Variants in RPS6KA5 observed in about 807,000 individuals in gnomAD.
RPS6KA5 encodes the protein ribosomal protein S6 kinase A5.
A neutral mutation model predicts 85.5 loss-of-function variants in RPS6KA5; 27 were observed. That is an observed-to-expected ratio of 0.32 (90% CI 0.23 to 0.44). RPS6KA5 has a LOEUF of 0.44. Ranked by LOEUF, RPS6KA5 falls within the 20% of genes least tolerant of loss-of-function variation. RPS6KA5 has a pLI of 1.00. For synonymous variants in RPS6KA5, 334 were observed against 348.2 expected (o/e 0.96, Z 0.46); for missense variants, 811 against 980.9 (o/e 0.83, Z 2.31).
rs1438337626 is a variant in RPS6KA5, at chr14:90,859,781, C to T, written c.*12293G>A. On this transcript the variant is annotated 3_prime_UTR_variant, in exon 17 of 17. Coordinates refer to ENST00000614987, the MANE Select transcript of RPS6KA5 (RefSeq NM_004755.4). Reference sequence around the variant, plus strand: ...TAAGAATTCTAATAAGGAAGGACATCAACCAACAGATTCAGGAAGTTTACC... The same window carrying T: ...TAAGAATTCTAATAAGGAAGGACATTAACCAACAGATTCAGGAAGTTTACC... 1 of 152,152 alleles carries T rather than the reference C, an allele frequency of 6.6e-6. No homozygotes were observed. Among genetic ancestry groups the T allele is most frequent in the Non-Finnish European group, 1.5e-5 (1 of 68,024 alleles). The allele number at this position is 152,152 out of a possible 1,614,324, so 9.4% of individuals were successfully genotyped here. A position where few individuals can be genotyped will look rare whatever the true frequency, so the allele number is the denominator to read the frequency against.
Position 90,943,185 on chromosome 14 carries a change from A to T in RPS6KA5, c.511T>A (p.Leu171Met). 1.3e-6 allele frequency: 2 copies of T among 1,489,720 alleles called. No individual in the cohort carries two copies. The highest frequency in any genetic ancestry group is 9.3e-7 in the Non-Finnish European group (1 of 1,074,686). 92.3% of individuals were successfully genotyped at this position (1,489,720 alleles called of 1,614,324 possible). A position where few individuals can be genotyped will look rare whatever the true frequency, so the allele number is the denominator to read the frequency against. ...IVLALEHLHK[L>M]GIIYRDIKLE... ...TTAATATCACGATATATAATCCCCA[A>T]CTGCAAAAACAAAGAAATATAAATT... Residue 171 changes from leucine to methionine, a missense_variant and splice_region_variant, in exon 5 of 17, where the codon TTG (leucine) becomes ATG (methionine). By Grantham distance (15) the Leu-to-Met change is conservative. This residue lies in a region of RPS6KA5 where 650 missense variants were observed against 793.4 expected (regional missense o/e 0.82). Transcript: ENST00000614987.
At chr14:90,998,593 G>C (rs752969051) in intron 2 of RPS6KA5, among the ~76,000 whole-genome samples, 1 of 152,126 alleles carries the variant, frequency 6.6e-6, no homozygotes, top group Non-Finnish European at 1.5e-5. Flanking sequence ...AGGAAACAAA[G>C]GTAGGAATAA....
intron 3 of RPS6KA5, among the ~76,000 whole-genome samples, chr14:90,970,234 A>T (rs571710436): frequency 6.6e-6 from 1 of 152,324 alleles, no homozygotes; most frequent in Admixed American, 6.5e-5. Context: ...AATCTTGTGA[A>T]TTAGTCATAT....
chr14:90,986,965 G>A (rs181558506), intron 2 of RPS6KA5, among the ~76,000 whole-genome samples: 1 of 152,224 alleles, frequency 6.6e-6, no homozygotes, highest in Admixed American at 6.5e-5. Flanking sequence ...CATGTCCCGG[G>A]ATCTGCTTCT....
At position 91,060,371 on chromosome 14, in the gene RPS6KA5, CT is replaced by C; in HGVS notation, c.63del (p.Gly22GlufsTer16). The part of the protein sequence containing the change: ...AAGTSADGGD[G>X]GEQLLTVKHE... ...TGCTTGACAGTGAGGAGCTGCTCTC[CT>C]CCGTCGCCGCCGTCCGCGCTGGTCC... On this transcript the variant is annotated frameshift_variant, in exon 1 of 17. Transcript: ENST00000614987. LOFTEE classifies it high-confidence loss of function. The C allele has an allele frequency of 6.6e-7, 1 of 1,506,166 alleles. No individual in the cohort carries two copies. Among genetic ancestry groups the C allele is most frequent in the South Asian group, 1.3e-5 (1 of 78,282 alleles). 93.3% of individuals were successfully genotyped at this position (1,506,166 alleles called of 1,614,324 possible). A position where few individuals can be genotyped will look rare whatever the true frequency, so the allele number is the denominator to read the frequency against.
intron 2 of RPS6KA5, among the ~76,000 whole-genome samples, chr14:90,984,568 C>T (rs1398218298): frequency 6.6e-6 from 1 of 152,200 alleles, no homozygotes; most frequent in Non-Finnish European, 1.5e-5. Flanking sequence ...CGTTGACAAT[C>T]TTTGCTGATA....
rs111301265 is a variant in RPS6KA5 at position 90,904,184 on chromosome 14, A to C, written c.958-1215T>G. On this transcript the variant is annotated intron_variant, in intron 8 of 16. Coordinates refer to ENST00000614987, the MANE Select transcript of RPS6KA5 (RefSeq NM_004755.4). ...CAGGATGGTCTCGATCTCCTGACCTAGTGATCCGCCCACCTTGGCCTCCCG... is the reference window on the plus strand; with the variant it reads ...CAGGATGGTCTCGATCTCCTGACCTCGTGATCCGCCCACCTTGGCCTCCCG... Among the ~76,000 whole-genome samples, 725 of 152,258 alleles carry C rather than the reference A, an allele frequency of 4.8e-3. 5 individuals are homozygous for C. The highest frequency in any genetic ancestry group is 0.021 in the South Asian group (99 of 4,818).
rs58737573 is a variant in RPS6KA5, at chr14:91,030,611, G to GAAAAAAAAAAAAAAAAAA, written c.104-29470_104-29453dup. Among the ~76,000 whole-genome samples, 55 of 22,070 alleles carry GAAAAAAAAAAAAAAAAAA rather than the reference G, an allele frequency of 2.5e-3. 9 individuals are homozygous for GAAAAAAAAAAAAAAAAAA. Among genetic ancestry groups the GAAAAAAAAAAAAAAAAAA allele is most frequent in the Non-Finnish European group, 3.5e-3 (39 of 11,030 alleles). The allele number at this position is 22,070 out of a possible 152,430, so 14.5% of individuals were successfully genotyped here. A position where few individuals can be genotyped will look rare whatever the true frequency, so the allele number is the denominator to read the frequency against. ...AACATGCAAGACACCAAAATAAACA[G>GAAAAAAAAAAAAAAAAAA]AAAAAAAAAAAAAAAAAAAAAAAAA... On this transcript the variant is annotated intron_variant, in intron 1 of 16. Transcript: ENST00000614987.
chr14:90,876,807 C>A (rs1184634958), intron 14 of RPS6KA5, among the ~76,000 whole-genome samples: 1 of 152,174 alleles, frequency 6.6e-6, no homozygotes. Context: ...TCAGTGTCAA[C>A]CCCAGCCCTA....
At chr14:90,968,814 T>G (rs2140446027) in intron 3 of RPS6KA5, among the ~76,000 whole-genome samples, 1 of 152,342 alleles carries the variant, frequency 6.6e-6, no homozygotes. Context: ...TATTAGCAAC[T>G]TGTAGATCAT....
chr14:90,916,767 C>G (rs2036139973), intron 7 of RPS6KA5, among the ~76,000 whole-genome samples: 1 of 152,042 alleles, frequency 6.6e-6, no homozygotes, highest in South Asian at 2.1e-4. Context: ...GGGAAGGAAT[C>G]CTATTTAAAT....
rs114370725 is a variant in RPS6KA5, at chr14:90,878,173, A to G, written c.1837-2813T>C. On this transcript the variant is annotated intron_variant, in intron 14 of 16. Transcript: ENST00000614987. ...CTGGAAGCAGAACTATGTCTCATGTATCACTGTATCCCCTGAACCTTGCGT... is the reference window on the plus strand; with the variant it reads ...CTGGAAGCAGAACTATGTCTCATGTGTCACTGTATCCCCTGAACCTTGCGT... Among the ~76,000 whole-genome samples the G allele has an allele frequency of 4.2e-3, 647 of 152,354 alleles. 6 individuals carry two copies. The highest frequency in any genetic ancestry group is 0.015 in the African/African-American group (625 of 41,580).
intron 5 of RPS6KA5, among the ~76,000 whole-genome samples, chr14:90,929,534 G>C (rs1481186330): frequency 3.3e-5 from 5 of 151,996 alleles, no homozygotes; most frequent in Non-Finnish European, 7.4e-5. Context: ...TGTATAAATA[G>C]AAATAAGTCT....
chr14:90,891,910 C>T (rs2034584109), intron 13 of RPS6KA5, among the ~76,000 whole-genome samples: 1 of 152,080 alleles, frequency 6.6e-6, no homozygotes, highest in Non-Finnish European at 1.5e-5. Flanking sequence ...CCACAGCTGG[C>T]CTTGTCTTCA....
rs1324529371 is a variant in RPS6KA5 at position 90,861,766 on chromosome 14, CTTG to C, written c.*10305_*10307del. On this transcript the variant is annotated 3_prime_UTR_variant, in exon 17 of 17. Coordinates refer to ENST00000614987, the MANE Select transcript of RPS6KA5 (RefSeq NM_004755.4). ...TACAAAAATTAGCTGGGTGTGCTGG[CTTG>C]TGTCTGTAATCCCAGCTACTCGGGA... The C allele has an allele frequency of 6.6e-6, 1 of 151,790 alleles. No individual in the cohort carries two copies. Among genetic ancestry groups the C allele is most frequent in the Non-Finnish European group, 1.5e-5 (1 of 68,178 alleles). 9.4% of individuals were successfully genotyped at this position (151,790 alleles called of 1,614,324 possible).
rs1450901638 is a variant in RPS6KA5, at chr14:90,855,859, A to C, written c.*16215T>G. The C allele has an allele frequency of 6.6e-6, 1 of 152,138 alleles. No individual in the cohort carries two copies. The highest frequency in any genetic ancestry group is 2.4e-5 in the African/African-American group (1 of 41,422). The allele number at this position is 152,138 out of a possible 1,614,324, so 9.4% of individuals were successfully genotyped here. A position where few individuals can be genotyped will look rare whatever the true frequency, so the allele number is the denominator to read the frequency against. On this transcript the variant is annotated 3_prime_UTR_variant, in exon 17 of 17. Coordinates refer to ENST00000614987, the MANE Select transcript of RPS6KA5 (RefSeq NM_004755.4). ...CCTGACCTCGTGATCCGCCCGCCTC[A>C]GCCTCCCAAAGTGCTGGGATTACAG...
chr14:90,926,089 C>A (rs901390059), intron 5 of RPS6KA5, among the ~76,000 whole-genome samples: 2 of 151,910 alleles, frequency 1.3e-5, no homozygotes, highest in African/African-American at 4.8e-5. Flanking sequence ...ACTTTTGCAA[C>A]ATTCTGGATA....
intron 1 of RPS6KA5, 174 bp downstream of exon 1, chr14:91,060,158 G>T: frequency 1.0e-6 from 1 of 979,294 alleles, no homozygotes; most frequent in Non-Finnish European, 1.2e-6. Flanking sequence ...CCCAAGGCGC[G>T]CCCCCACCTC....
rs546734674 is a variant in RPS6KA5, at chr14:90,980,097, T to A, written c.176-1573A>T. 3.9e-5 allele frequency among the ~76,000 whole-genome samples: 6 copies of A among 152,262 alleles called. No individual in the cohort carries two copies. The South Asian group carries it at 6.2e-4, about 16-fold the overall frequency. On this transcript the variant is annotated intron_variant, in intron 2 of 16. Transcript: ENST00000614987. ...GGTTGAGACCTCAGTAAGGCAGAAG[T>A]GAATCAACAAGATGAAATGACAACT...
Sources: allele counts gnomAD v4.1 joint callset (sites outside exome capture counted in the v4.1 genomes callset), GRCh38; gene constraint gnomAD v4.1.1; regional missense constraint gnomAD v4.1.1; transcripts MANE v1.5; gene names NCBI Gene and HGNC (gene_info 2026-07-23, HGNC 2026-07-21).